SPAG16: variants seen among roughly 807,000 people sequenced by gnomAD.
SPAG16 encodes the protein sperm associated antigen 16.
A neutral mutation model predicts 80.4 loss-of-function variants in SPAG16; 86 were observed. The ratio of observed to expected loss-of-function variants is 1.07; its 90% CI spans 0.90 to 1.28. SPAG16 has a LOEUF of 1.28. Among genes scored for constraint, SPAG16 ranks in the 50% most tolerant of loss-of-function variants. SPAG16 has a pLI of 0.00. For missense variants in SPAG16, 870 were observed against 765.3 expected (o/e 1.14, Z -1.61); for synonymous variants, 294 against 265.9 (o/e 1.11, Z -1.03).
At chr2:213,678,263 A>G in intron 10 of SPAG16, among the ~76,000 whole-genome samples, 1 of 152,212 alleles carries the variant, frequency 6.6e-6, no homozygotes, top group Non-Finnish European at 1.5e-5. Context: ...AGAAATAACT[A>G]AAATCAGAGC....
At chr2:213,443,727 T>A (rs2071127338) in intron 9 of SPAG16, among the ~76,000 whole-genome samples, 1 of 152,148 alleles carries the variant, frequency 6.6e-6, no homozygotes, top group African/African-American at 2.4e-5. Context: ...GTTTATTTAT[T>A]TTTAGATAAT....
At chr2:214,035,129 A>G (rs1352005119) in intron 13 of SPAG16, among the ~76,000 whole-genome samples, 1 of 152,162 alleles carries the variant, frequency 6.6e-6, no homozygotes, top group African/African-American at 2.4e-5. Flanking sequence ...ACCGTGGGGT[A>G]GGTAGCTCCT....
chr2:213,832,333 G>A (rs917469374), intron 10 of SPAG16, among the ~76,000 whole-genome samples: 4 of 152,070 alleles, frequency 2.6e-5, no homozygotes, highest in South Asian at 4.2e-4. Context: ...ACGATACCCC[G>A]AAGTATGGCA....
intron 5 of SPAG16, among the ~76,000 whole-genome samples, chr2:213,337,555 A>G (rs1490077350): frequency 6.6e-6 from 1 of 152,210 alleles, no homozygotes; most frequent in Non-Finnish European, 1.5e-5. Flanking sequence ...GAGAAACACA[A>G]CACGAGAACT....
intron 10 of SPAG16, among the ~76,000 whole-genome samples, chr2:213,810,213 G>T (rs931781784): frequency 6.6e-6 from 1 of 152,064 alleles, no homozygotes; most frequent in Non-Finnish European, 1.5e-5. Flanking sequence ...TTATTATTTT[G>T]TTGCCAAAGT....
Position 214,187,782 on chromosome 2 carries a change from CT to C in SPAG16, c.1720+38527del, listed in dbSNP as rs1305668782. ...CTCTTATAACTCCATATCGCTTAAC[CT>C]TTTTTTTTTTCTGGTCGGAGGAAAG... On this transcript the variant is annotated intron_variant, in intron 15 of 15. Transcript: ENST00000331683. Among the ~76,000 whole-genome samples, 329 of 146,558 alleles carry C rather than the reference CT, an allele frequency of 2.2e-3. 3 individuals carry two copies. Among genetic ancestry groups the C allele is most frequent in the Admixed American group, 0.015 (225 of 14,684 alleles).
At chr2:213,885,083 C>A (rs1204358981) in intron 11 of SPAG16, among the ~76,000 whole-genome samples, 1 of 152,084 alleles carries the variant, frequency 6.6e-6, no homozygotes, top group African/African-American at 2.4e-5. Flanking sequence ...TACCAGAGTT[C>A]TTGTGCTGAT....
chr2:214,060,126 A>T (rs562313864), intron 13 of SPAG16, among the ~76,000 whole-genome samples: 4 of 152,166 alleles, frequency 2.6e-5, no homozygotes, highest in South Asian at 2.1e-4. Context: ...GTGCCCTCTC[A>T]TCAGGGAGAT....
chr2:214,390,345 A>C (rs1377389540), intron 15 of SPAG16, among the ~76,000 whole-genome samples: 1 of 104,866 alleles, frequency 9.5e-6, no homozygotes, highest in East Asian at 2.5e-4. Context: ...TTTTTTTAAA[A>C]AAAAAAAAAA....
At chr2:213,412,042 C>T (rs1559106783) in intron 9 of SPAG16, among the ~76,000 whole-genome samples, 1 of 152,152 alleles carries the variant, frequency 6.6e-6, no homozygotes, top group East Asian at 1.9e-4. Context: ...CCTCGTGAAG[C>T]AACCTTTTTC....
chr2:213,290,140 C>T (rs191851755), intron 1 of SPAG16, among the ~76,000 whole-genome samples: 8 of 152,260 alleles, frequency 5.3e-5, no homozygotes, highest in Non-Finnish European at 8.8e-5. Context: ...CTGAAAAGAT[C>T]GAGAATATCA....
intron 15 of SPAG16, among the ~76,000 whole-genome samples, chr2:214,350,658 T>G (rs150122081): frequency 6.6e-6 from 1 of 152,254 alleles, no homozygotes; most frequent in Admixed American, 6.5e-5. Context: ...CAGGTCTACA[T>G]GTTGTCCCCT....
At chr2:213,855,167 A>G (rs1305738019) in intron 10 of SPAG16, among the ~76,000 whole-genome samples, 3 of 152,262 alleles carry the variant, frequency 2.0e-5, no homozygotes, top group African/African-American at 7.2e-5. Context: ...AACTTTTTAC[A>G]CATGGTTAGA....
At chr2:214,358,876 T>C (rs568517812) in intron 15 of SPAG16, among the ~76,000 whole-genome samples, 8 of 152,064 alleles carry the variant, frequency 5.3e-5, no homozygotes, top group Admixed American at 2.0e-4. Context: ...TTATTTCATA[T>C]TATAAAATAA....
At chr2:213,761,920 T>C (rs13402894) in intron 10 of SPAG16, among the ~76,000 whole-genome samples, 59,199 of 151,812 alleles carry the variant, frequency 0.39, 12,436 homozygotes, top group East Asian at 0.61. Flanking sequence ...TACAGACCAA[T>C]ATCTCTTACG....
In SPAG16 at chr2:213,862,492, A is replaced by C. The variant is rs948692339; in HGVS notation, c.1078A>C (p.Met360Leu). 6.8e-6 allele frequency: 11 copies of C among 1,613,852 alleles called. No individual in the cohort carries two copies. The highest frequency in any genetic ancestry group is 1.3e-5 in the African/African-American group (1 of 74,904). ...LHELPVSCVS[M>L]QPHKDILVSC... Reference sequence around the variant, plus strand: ...TTCTTTCTCCTCGCGCAGTGTCTCCATGCAACCCCACAAAGACATCCTAGT... The same window carrying C: ...TTCTTTCTCCTCGCGCAGTGTCTCCCTGCAACCCCACAAAGACATCCTAGT... Residue 360 changes from methionine to leucine, a missense_variant, in exon 11 of 16, where the codon ATG becomes CTG. Met to Leu is a conservative substitution (Grantham distance 15, BLOSUM62 2). Transcript: ENST00000331683.
intron 10 of SPAG16, among the ~76,000 whole-genome samples, chr2:213,832,565 T>A (rs2073732284): frequency 6.6e-6 from 1 of 152,124 alleles, no homozygotes; most frequent in African/African-American, 2.4e-5. Flanking sequence ...TCCTTCTCCC[T>A]TCTTCCTTGA....
intron 10 of SPAG16, among the ~76,000 whole-genome samples, chr2:213,825,706 T>C (rs1200007670): frequency 6.8e-4 from 18 of 26,342 alleles, no homozygotes; most frequent in South Asian, 7.7e-3. Context: ...TCTTTCTTTT[T>C]TTTTTTTTTT....
At chr2:214,263,485 A>T (rs956427809) in intron 15 of SPAG16, among the ~76,000 whole-genome samples, 3 of 152,316 alleles carry the variant, frequency 2.0e-5, no homozygotes, top group Admixed American at 2.0e-4. Flanking sequence ...GTACTTTTGC[A>T]TATATGAGCG....
Sources: allele counts gnomAD v4.1 joint callset (sites outside exome capture counted in the v4.1 genomes callset), GRCh38; gene constraint gnomAD v4.1.1; transcripts MANE v1.5; gene names NCBI Gene and HGNC (gene_info 2026-07-23, HGNC 2026-07-21).